OLFM3: variants seen among roughly 807,000 people sequenced by gnomAD.
OLFM3 encodes olfactomedin 3, also known as noelin-3.
A neutral mutation model predicts 48.6 loss-of-function variants in OLFM3; 20 were observed. The ratio of observed to expected loss-of-function variants is 0.41; its 90% CI spans 0.29 to 0.60. The LOEUF is 0.60. OLFM3 is among the 20% of genes least tolerant of loss of function. OLFM3 has a pLI of 0.28. For synonymous variants in OLFM3, 222 were observed against 198.1 expected (o/e 1.12, Z -1.01); for missense variants, 437 against 544.3 (o/e 0.80, Z 1.96).
At chr1:101,949,959 C>T (rs1253166761) in intron 1 of OLFM3, among the ~76,000 whole-genome samples, 30 of 135,844 alleles carry the variant, frequency 2.2e-4, no homozygotes, top group African/African-American at 1.7e-4. Context: ...GCCTCTGATG[C>T]GGAGTTTGCA....
chr1:101,976,989 T>C (rs1660973389), intron 1 of OLFM3, among the ~76,000 whole-genome samples: 1 of 152,102 alleles, frequency 6.6e-6, no homozygotes, highest in South Asian at 2.1e-4. Flanking sequence ...ACTTCAATAT[T>C]TAAAACCTTT....
chr1:101,868,417 T>A (rs1272130916), intron 1 of OLFM3, among the ~76,000 whole-genome samples: 3 of 152,122 alleles, frequency 2.0e-5, no homozygotes, highest in Non-Finnish European at 4.4e-5. Context: ...TAAAAGTCAC[T>A]CTTGCTGTGC....
chr1:101,893,773 A>G (rs961530934), intron 1 of OLFM3: 1 of 153,102 alleles, frequency 6.5e-6, no homozygotes, highest in Non-Finnish European at 1.5e-5. Context: ...TGTAGACCAC[A>G]TGAAGAGTCA....
At chr1:101,927,738 T>C (rs1212927038) in intron 1 of OLFM3, among the ~76,000 whole-genome samples, 2 of 149,090 alleles carry the variant, frequency 1.3e-5, no homozygotes, top group Admixed American at 1.3e-4. Context: ...ATTATATTTA[T>C]TTTAAATATT....
At chr1:101,838,505 A>G (rs1655546511) in intron 1 of OLFM3, among the ~76,000 whole-genome samples, 1 of 152,256 alleles carries the variant, frequency 6.6e-6, no homozygotes, top group Non-Finnish European at 1.5e-5. Flanking sequence ...ATTTATTTTC[A>G]TAAATAAATT....
At chr1:101,812,171 A>T (rs750912626) in intron 4 of OLFM3, among the ~76,000 whole-genome samples, 6 of 144,984 alleles carry the variant, frequency 4.1e-5, no homozygotes, top group Non-Finnish European at 9.1e-5. Context: ...AACATCACAC[A>T]CCGGGGCCTT....
intron 1 of OLFM3, among the ~76,000 whole-genome samples, chr1:101,896,056 G>C (rs1034707796): frequency 1.3e-5 from 2 of 151,116 alleles, no homozygotes; most frequent in African/African-American, 4.9e-5. Context: ...AAATATACAC[G>C]TACAAAGATA....
At chr1:101,973,830 T>C (rs1421915474) in intron 1 of OLFM3, among the ~76,000 whole-genome samples, 1 of 152,322 alleles carries the variant, frequency 6.6e-6, no homozygotes, top group Middle Eastern at 3.4e-3. Context: ...GGATTTTATG[T>C]GGAATTTTTC....
chr1:101,846,728 A>C (rs998254892), intron 1 of OLFM3: 12 of 694,716 alleles, frequency 1.7e-5, no homozygotes, highest in Non-Finnish European at 3.1e-5. Context: ...TAGTTACTAC[A>C]TTTTTGAAGC....
chr1:101,842,564 AT>A, intron 1 of OLFM3, among the ~76,000 whole-genome samples: 1 of 152,220 alleles, frequency 6.6e-6, no homozygotes, highest in Admixed American at 6.5e-5. Flanking sequence ...ATAATAATAA[AT>A]TTAGGTTGGT....
At chr1:101,852,721 AAAC>A (rs756045590) in intron 1 of OLFM3, among the ~76,000 whole-genome samples, 1 of 152,092 alleles carries the variant, frequency 6.6e-6, no homozygotes, top group Non-Finnish European at 1.5e-5. Flanking sequence ...CCAAACAAAT[AAAC>A]AACAACAAAA....
At chr1:101,954,801 T>C (rs1372652136) in intron 1 of OLFM3, among the ~76,000 whole-genome samples, 1 of 152,066 alleles carries the variant, frequency 6.6e-6, no homozygotes, top group Non-Finnish European at 1.5e-5. Flanking sequence ...TAATTGGCTA[T>C]TGTGCTAATA....
intron 4 of OLFM3, among the ~76,000 whole-genome samples, chr1:101,808,521 C>CT (rs1390719119): frequency 6.6e-6 from 1 of 151,870 alleles, no homozygotes; most frequent in African/African-American, 2.4e-5. Flanking sequence ...AGGCACACCA[C>CT]TTAAACCATG....
chr1:101,831,574 C>A (rs776447483), intron 2 of OLFM3, among the ~76,000 whole-genome samples: 1 of 152,074 alleles, frequency 6.6e-6, no homozygotes, highest in Non-Finnish European at 1.5e-5. Flanking sequence ...CAACAAAAAT[C>A]TGAAAACAAA....
chr1:101,958,055 G>T (rs1382962740), intron 1 of OLFM3, among the ~76,000 whole-genome samples: 1 of 152,006 alleles, frequency 6.6e-6, no homozygotes, highest in Non-Finnish European at 1.5e-5. Context: ...GAAGACATTG[G>T]CAAGTGAATG....
At chr1:101,991,058 T>A (rs575163510) in intron 1 of OLFM3, among the ~76,000 whole-genome samples, 8 of 136,534 alleles carry the variant, frequency 5.9e-5, no homozygotes, top group Non-Finnish European at 9.2e-5. Context: ...GGTTTTTGAT[T>A]GGTAAGTGGG....
At position 101,900,864 on chromosome 1, in the gene OLFM3, C is replaced by T. The variant is rs376252767; in HGVS notation, c.70-63839G>A. Among the ~76,000 whole-genome samples, 27 of 152,130 alleles carry T rather than the reference C, an allele frequency of 1.8e-4. No homozygotes were observed. In the South Asian group the frequency reaches 5.0e-3, roughly 28 times the overall value. ...AGAACATCCTAAAATATTAACTTTA[C>T]AGATTTACTGCAAATTTAGAAATTC... On this transcript the variant is annotated intron_variant, in intron 1 of 5. Transcript: ENST00000370103.
intron 1 of OLFM3, among the ~76,000 whole-genome samples, chr1:101,884,344 A>C (rs1249130687): frequency 6.6e-6 from 1 of 152,064 alleles, no homozygotes. Context: ...TAAAAATGTC[A>C]AGATAACAGG....
At chr1:101,946,231 A>G (rs914618569) in intron 1 of OLFM3, among the ~76,000 whole-genome samples, 6 of 152,222 alleles carry the variant, frequency 3.9e-5, no homozygotes, top group Admixed American at 3.3e-4. Context: ...AATATCTGTC[A>G]AATGATAAAT....
Sources: gnomAD v4.1 joint callset for allele counts (sites outside exome capture counted in the v4.1 genomes callset) on GRCh38, gnomAD v4.1.1 for gene constraint, MANE v1.5 for transcripts, NCBI Gene and HGNC (gene_info 2026-07-23, HGNC 2026-07-21) for gene names.